Variants in ANKFY1 observed in about 807,000 individuals in gnomAD.
ANKFY1 encodes ankyrin repeat and FYVE domain containing 1.
In ANKFY1, 47 loss-of-function variants were observed where a neutral mutation model predicts 128.3. The ratio of observed to expected loss-of-function variants is 0.37; its 90% CI spans 0.29 to 0.47. The LOEUF is 0.47. Among genes scored for constraint, ANKFY1 ranks in the 20% least tolerant of loss-of-function variants. The pLI is 1.00. For missense variants in ANKFY1, 1,222 were observed against 1,510.6 expected (o/e 0.81, Z 3.17); for synonymous variants, 553 against 601.6 (o/e 0.92, Z 1.18).
intron 1 of ANKFY1, among the ~76,000 whole-genome samples, chr17:4,254,113 G>T (rs1363111598): frequency 6.6e-6 from 1 of 151,940 alleles, no homozygotes; most frequent in Admixed American, 6.6e-5. Flanking sequence ...AGACCATCCC[G>T]GCTAACACGG....
chr17:4,173,863 A>C (rs1200570298), intron 20 of ANKFY1, 46 bp downstream of exon 20: 9 of 1,587,330 alleles, frequency 5.7e-6, no homozygotes, highest in Non-Finnish European at 7.7e-6. Flanking sequence ...CCCCACCCCT[A>C]GAATGGAGGG....
At chr17:4,171,096 C>G (rs1434571792) in intron 22 of ANKFY1, among the ~76,000 whole-genome samples, 1 of 152,208 alleles carries the variant, frequency 6.6e-6, no homozygotes, top group Non-Finnish European at 1.5e-5. Flanking sequence ...GCTGCCGTTT[C>G]CAAGACACAG....
intron 4 of ANKFY1, among the ~76,000 whole-genome samples, chr17:4,215,559 C>T: frequency 6.6e-6 from 1 of 152,170 alleles, no homozygotes; most frequent in East Asian, 1.9e-4. Flanking sequence ...TAAAAGCCAA[C>T]CCTTGACTCC....
At chr17:4,223,518 G>A in intron 3 of ANKFY1, 2 of 1,187,368 alleles carry the variant, frequency 1.7e-6, no homozygotes, top group Middle Eastern at 1.9e-4. Flanking sequence ...ATGAAAACAG[G>A]CCAGTTTGTT....
At chr17:4,180,635 C>T (rs1455533243) in intron 16 of ANKFY1, among the ~76,000 whole-genome samples, 6 of 150,848 alleles carry the variant, frequency 4.0e-5, no homozygotes, top group South Asian at 4.2e-4. Context: ...GGCGTGGAGG[C>T]GGGCGCCTGT....
chr17:4,185,839 C>T (rs930991793), intron 11 of ANKFY1, among the ~76,000 whole-genome samples: 1 of 152,078 alleles, frequency 6.6e-6, no homozygotes, highest in Non-Finnish European at 1.5e-5. Context: ...ATGGGAGAGC[C>T]GCGCAGCCCC....
rs142959928 is a variant in ANKFY1, at chr17:4,179,310, G to A, written c.2398-253C>T. 6.2e-4 allele frequency: 350 copies of A among 564,768 alleles called. 3 individuals are homozygous for A. Among genetic ancestry groups the A allele is most frequent in the East Asian group, 6.1e-3 (198 of 32,474 alleles). The allele number at this position is 564,768 out of a possible 1,614,324, so 35.0% of individuals were successfully genotyped here. On this transcript the variant is annotated intron_variant, in intron 17 of 24. Transcript: ENST00000341657. ...TGTTTCACATCTGCAGTGAGTCTCC[G>A]CTCTAAGCCACCACTCCTTATCTGG...
intron 11 of ANKFY1, among the ~76,000 whole-genome samples, chr17:4,186,132 CAT>C (rs1339747115): frequency 3.3e-5 from 5 of 152,364 alleles, no homozygotes; most frequent in East Asian, 1.9e-4. Context: ...TGCACACACA[CAT>C]GCATGTGGGC....
At chr17:4,257,955 C>T (rs1968208782) in intron 1 of ANKFY1, among the ~76,000 whole-genome samples, 1 of 152,236 alleles carries the variant, frequency 6.6e-6, no homozygotes, top group African/African-American at 2.4e-5. Context: ...AAATTGCCTA[C>T]AGCAAATCAC....
chr17:4,252,310 T>C (rs1967879109), intron 1 of ANKFY1, among the ~76,000 whole-genome samples: 1 of 152,180 alleles, frequency 6.6e-6, no homozygotes, highest in Admixed American at 6.5e-5. Flanking sequence ...TTCACACCTA[T>C]AATCCCAAAA....
chr17:4,215,479 G>A (rs1252715978), intron 4 of ANKFY1, among the ~76,000 whole-genome samples: 5 of 152,032 alleles, frequency 3.3e-5, no homozygotes, highest in African/African-American at 4.8e-5. Context: ...CGCACCCGTC[G>A]CTAGCACCCT....
At chr17:4,228,718 G>T (rs897894177) in intron 3 of ANKFY1, among the ~76,000 whole-genome samples, 11 of 152,082 alleles carry the variant, frequency 7.2e-5, no homozygotes, top group African/African-American at 2.4e-4. Context: ...CACCCAGCAA[G>T]GATAGAAATG....
intron 4 of ANKFY1, chr17:4,216,562 A>G (rs2060223654): frequency 7.4e-6 from 2 of 271,216 alleles, no homozygotes; most frequent in Non-Finnish European, 1.5e-5. Context: ...TATTTGGACA[A>G]TATTTTCACA....
chr17:4,212,545 A>C (rs1283459131), intron 4 of ANKFY1, among the ~76,000 whole-genome samples: 1 of 152,170 alleles, frequency 6.6e-6, no homozygotes. Context: ...CGTCTCTAAA[A>C]CCTGAAATTC....
chr17:4,210,624 C>T (rs534086619), intron 4 of ANKFY1, among the ~76,000 whole-genome samples: 1 of 137,816 alleles, frequency 7.3e-6, no homozygotes, highest in East Asian at 2.3e-4. Context: ...AGGAGAATCG[C>T]TTGAACCCAG....
intron 3 of ANKFY1, among the ~76,000 whole-genome samples, chr17:4,233,381 G>C (rs1027730872): frequency 1.3e-5 from 2 of 151,348 alleles, no homozygotes; most frequent in Admixed American, 1.3e-4. Flanking sequence ...AAAAAAAAAA[G>C]CTATCCCTCG....
chr17:4,250,010 A>C (rs1967746557), intron 1 of ANKFY1, among the ~76,000 whole-genome samples: 1 of 151,716 alleles, frequency 6.6e-6, no homozygotes, highest in African/African-American at 2.4e-5. Flanking sequence ...ACTCTCAACC[A>C]CCCCATTCTT....
intron 1 of ANKFY1, among the ~76,000 whole-genome samples, chr17:4,251,797 G>C (rs748863609): frequency 7.2e-5 from 11 of 152,072 alleles, no homozygotes; most frequent in Non-Finnish European, 1.6e-4. Context: ...CACTTTGGGA[G>C]GCCAAGGTGG....
chr17:4,189,395 T>C lies in ANKFY1; in HGVS notation c.1457A>G (p.His486Arg). 1 of 1,585,220 alleles carries C rather than the reference T, an allele frequency of 6.3e-7. No homozygotes were observed. Among genetic ancestry groups the C allele is most frequent in the East Asian group, 2.3e-5 (1 of 43,954 alleles). ...TGTCACACTTACCCACTTGTTTCTG[T>C]GGTTGACATGGGCACCGTTGGTTGC... ...FLATNGAHVN[H>R]RNKWGETPLH... is the part of the protein sequence containing the mutation. Residue 486 changes from histidine to arginine, a missense_variant, in exon 11 of 25, where the codon CAC becomes CGC. Coordinates refer to ENST00000341657, the MANE Select transcript of ANKFY1 (RefSeq NM_001330063.2).
Sources: gnomAD v4.1 joint callset for allele counts (sites outside exome capture counted in the v4.1 genomes callset) on GRCh38, gnomAD v4.1.1 for gene constraint, MANE v1.5 for transcripts, NCBI Gene and HGNC (gene_info 2026-07-23, HGNC 2026-07-21) for gene names.